HTR7: variants seen among roughly 807,000 people sequenced by gnomAD.
HTR7 encodes 5-hydroxytryptamine receptor 7, also known as 5-HT-7.
A neutral mutation model predicts 34.0 loss-of-function variants in HTR7; 16 were observed. The observed-to-expected ratio is 0.47, with a 90% CI of 0.32 to 0.71. HTR7 has a LOEUF of 0.71. Among genes scored for constraint, HTR7 ranks in the 30% least tolerant of loss-of-function variants. The probability of loss-of-function intolerance (pLI) is 0.04; values close to 1 mark genes in which losing one functional copy is unlikely to be tolerated. For synonymous variants in HTR7, 265 were observed against 260.2 expected, an observed-to-expected ratio of 1.02 and a Z score of -0.18; for missense variants, 504 against 625.5, an observed-to-expected ratio of 0.81 and a Z score of 2.07.
chr10:90,852,446 G>T (rs560806219), intron 1 of HTR7, among the ~76,000 whole-genome samples: 1 of 152,072 alleles, frequency 6.6e-6, no homozygotes, highest in African/African-American at 2.4e-5. Context: ...AGGTGTGAGG[G>T]GATAGATAAA....
At chr10:90,782,559 C>T (rs755698220) in intron 1 of HTR7, among the ~76,000 whole-genome samples, 9 of 152,070 alleles carry the variant, frequency 5.9e-5, no homozygotes, top group East Asian at 1.9e-4. Flanking sequence ...TGCCCCATCA[C>T]CTTTCCTATA....
At chr10:90,745,966 A>G (rs1472328287) in intron 2 of HTR7, among the ~76,000 whole-genome samples, 2 of 152,260 alleles carry the variant, frequency 1.3e-5, no homozygotes, top group Non-Finnish European at 2.9e-5. Context: ...AGCTAAAGAT[A>G]CAAAGGCAAA....
chr10:90,806,425 C>T (rs1385299990), intron 1 of HTR7, among the ~76,000 whole-genome samples: 3 of 152,020 alleles, frequency 2.0e-5, no homozygotes, highest in Middle Eastern at 3.4e-3. Flanking sequence ...GGTGAAACCC[C>T]GTCTCTACTA....
chr10:90,750,687 A>T (rs1401132984), intron 1 of HTR7, among the ~76,000 whole-genome samples: 1 of 152,198 alleles, frequency 6.6e-6, no homozygotes, highest in African/African-American at 2.4e-5. Context: ...TCTGAAAGTT[A>T]GTCAGTTAGT....
intron 2 of HTR7, among the ~76,000 whole-genome samples, chr10:90,745,215 A>C (rs1844615017): frequency 6.6e-6 from 1 of 152,192 alleles, no homozygotes; most frequent in South Asian, 2.1e-4. Context: ...TATTTCTTAT[A>C]GTTTGAGAGG....
intron 2 of HTR7, among the ~76,000 whole-genome samples, chr10:90,744,175 A>G (rs1263960028): frequency 6.6e-6 from 1 of 151,400 alleles, no homozygotes; most frequent in African/African-American, 2.4e-5. Context: ...GGTGGCCACA[A>G]GATGAGTGAG....
chr10:90,782,348 T>G (rs1339370489), intron 1 of HTR7, among the ~76,000 whole-genome samples: 1 of 152,188 alleles, frequency 6.6e-6, no homozygotes, highest in African/African-American at 2.4e-5. Context: ...CTACTAATAG[T>G]AATTATGTAA....
intron 1 of HTR7, among the ~76,000 whole-genome samples, chr10:90,775,702 T>C (rs1397140424): frequency 6.6e-6 from 1 of 152,224 alleles, no homozygotes; most frequent in Non-Finnish European, 1.5e-5. Context: ...ACAGACTCTA[T>C]AGAGACAAAA....
intron 1 of HTR7, among the ~76,000 whole-genome samples, chr10:90,765,478 T>C (rs1328824591): frequency 6.6e-6 from 1 of 152,062 alleles, no homozygotes; most frequent in Non-Finnish European, 1.5e-5. Context: ...CAAAAAAAAC[T>C]AGCTCTGGTT....
intron 1 of HTR7, among the ~76,000 whole-genome samples, chr10:90,850,682 C>A (rs1564703235): frequency 1.3e-5 from 2 of 152,092 alleles, no homozygotes; most frequent in Non-Finnish European, 2.9e-5. Flanking sequence ...CCAAAAAAAT[C>A]AGAATCAGTT....
chr10:90,766,034 C>T (rs1282313379), intron 1 of HTR7, among the ~76,000 whole-genome samples: 1 of 152,128 alleles, frequency 6.6e-6, no homozygotes, highest in Non-Finnish European at 1.5e-5. Context: ...CTGTTAGGTC[C>T]ATTTGGCCTA....
intron 1 of HTR7, among the ~76,000 whole-genome samples, chr10:90,828,206 T>G (rs113756497): frequency 0.061 from 9,300 of 152,152 alleles, 361 homozygotes; most frequent in Non-Finnish European, 0.094. Context: ...TGGGATATAG[T>G]GAAAGCAGTA....
intron 1 of HTR7, among the ~76,000 whole-genome samples, chr10:90,781,639 CTTATTTCAAACATT>C (rs1284780803): frequency 6.6e-6 from 1 of 152,144 alleles, no homozygotes; most frequent in Non-Finnish European, 1.5e-5. Flanking sequence ...TTCAAATGTC[CTTATTTCAAACATT>C]TTATCTTGTT....
chr10:90,821,734 G>C (rs1845984746), intron 1 of HTR7, among the ~76,000 whole-genome samples: 1 of 152,160 alleles, frequency 6.6e-6, no homozygotes, highest in Admixed American at 6.5e-5. Context: ...CTTCAGTGTT[G>C]GAGAAAGGGC....
At chr10:90,793,046 C>T (rs1845483892) in intron 1 of HTR7, among the ~76,000 whole-genome samples, 1 of 152,006 alleles carries the variant, frequency 6.6e-6, no homozygotes, top group Non-Finnish European at 1.5e-5. Context: ...AAAAAATTAA[C>T]AAATGTGAAG....
intron 1 of HTR7, among the ~76,000 whole-genome samples, chr10:90,814,861 T>G (rs927627746): frequency 6.6e-6 from 1 of 152,108 alleles, no homozygotes; most frequent in Non-Finnish European, 1.5e-5. Context: ...TTTTAAAAAG[T>G]CAAAAGACAA....
intron 1 of HTR7, among the ~76,000 whole-genome samples, chr10:90,800,237 G>A (rs558650310): frequency 4.6e-5 from 7 of 152,226 alleles, no homozygotes; most frequent in East Asian, 1.9e-4. Context: ...AAGTTTGGCC[G>A]TTTTCTTAGA....
At chr10:90,747,449 G>A (rs925878210) in intron 2 of HTR7, among the ~76,000 whole-genome samples, 6 of 152,192 alleles carry the variant, frequency 3.9e-5, no homozygotes, top group South Asian at 2.1e-4. Flanking sequence ...GAACAATCTC[G>A]TGTACAAAAG....
At chr10:90,807,910 T>C (rs1412225545) in intron 1 of HTR7, among the ~76,000 whole-genome samples, 1 of 152,186 alleles carries the variant, frequency 6.6e-6, no homozygotes, top group African/African-American at 2.4e-5. Flanking sequence ...CTTACTCTCT[T>C]CTTCAACCTC....
Sources: gnomAD v4.1 joint callset for allele counts (sites outside exome capture counted in the v4.1 genomes callset) on GRCh38, gnomAD v4.1.1 for gene constraint, MANE v1.5 for transcripts, NCBI Gene and HGNC (gene_info 2026-07-23, HGNC 2026-07-21) for gene names.